Variants in DCLK1 observed in about 807,000 individuals in gnomAD.
DCLK1 encodes the protein serine/threonine-protein kinase DCLK1.
Under a neutral mutation model 86.2 loss-of-function variants are expected in DCLK1, and 16 were observed. The ratio of observed to expected loss-of-function variants is 0.19; its 90% CI spans 0.13 to 0.28. The LOEUF is 0.28. Among genes scored for constraint, DCLK1 ranks in the 10% least tolerant of loss-of-function variants. The pLI is 1.00. For synonymous variants in DCLK1, 369 were observed against 370.5 expected (o/e 1.00, Z 0.05); for missense variants, 590 against 940.2 (o/e 0.63, Z 4.87).
At position 35,770,658 on chromosome 13, in the gene DCLK1, C is replaced by T. The variant is rs1347179142; in HGVS notation, c.*3877G>A. ...ATGTAGCAGTTAAAAAAATTATTGA[C>T]TTACAAATTATAGAAAAGATATGTT... On this transcript the variant is annotated 3_prime_UTR_variant, in exon 17 of 17. Transcript: ENST00000360631. The T allele has an allele frequency of 6.6e-6, 1 of 152,130 alleles. No homozygotes were observed. Among genetic ancestry groups the T allele is most frequent in the Non-Finnish European group, 1.5e-5 (1 of 68,024 alleles). The allele number at this position is 152,130 out of a possible 1,614,324, so 9.4% of individuals were successfully genotyped here.
chr13:35,985,832 T>G (rs1010258052), intron 3 of DCLK1, among the ~76,000 whole-genome samples: 1 of 152,212 alleles, frequency 6.6e-6, no homozygotes, highest in Non-Finnish European at 1.5e-5. Flanking sequence ...AGATTGATGC[T>G]TGTTCCCAAA....
At chr13:35,924,511 G>T (rs1032769631) in intron 4 of DCLK1, among the ~76,000 whole-genome samples, 1 of 152,148 alleles carries the variant, frequency 6.6e-6, no homozygotes, top group Non-Finnish European at 1.5e-5. Context: ...AATTAGCTGG[G>T]CATGGTGGCA....
chr13:35,848,148 A>T, intron 6 of DCLK1: 2 of 985,306 alleles, frequency 2.0e-6, no homozygotes, highest in Non-Finnish European at 2.4e-6. Flanking sequence ...TATCATTAGG[A>T]CAAAACTGCG....
chr13:35,956,689 T>C (rs1878001833), intron 3 of DCLK1, among the ~76,000 whole-genome samples: 1 of 2,006 alleles, frequency 5.0e-4, no homozygotes, highest in Non-Finnish European at 9.5e-4. Flanking sequence ...AGGTAGGGAA[T>C]ATGGATGAGC....
At chr13:36,102,872 A>G (rs1371882313) in intron 3 of DCLK1, among the ~76,000 whole-genome samples, 1 of 152,218 alleles carries the variant, frequency 6.6e-6, no homozygotes, top group South Asian at 2.1e-4. Flanking sequence ...GAAGATAGAC[A>G]AAAGAGGCTC....
chr13:35,820,049 G>A (rs1456337159), intron 11 of DCLK1, among the ~76,000 whole-genome samples: 1 of 152,154 alleles, frequency 6.6e-6, no homozygotes, highest in Non-Finnish European at 1.5e-5. Flanking sequence ...GGGTGTGTGA[G>A]GGTCTACCTT....
chr13:35,945,206 C>T (rs1877307223), intron 4 of DCLK1, among the ~76,000 whole-genome samples: 1 of 152,104 alleles, frequency 6.6e-6, no homozygotes, highest in Admixed American at 6.5e-5. Flanking sequence ...AGCCTGTGGG[C>T]ATTGAGAAAT....
intron 3 of DCLK1, among the ~76,000 whole-genome samples, chr13:36,044,174 C>T (rs1289283652): frequency 2.0e-5 from 3 of 152,192 alleles, no homozygotes; most frequent in Non-Finnish European, 4.4e-5. Context: ...TGAAGGCTCC[C>T]CTTCACCTTC....
At chr13:35,893,637 T>TG (rs1353081510) in intron 4 of DCLK1, among the ~76,000 whole-genome samples, 37 of 152,370 alleles carry the variant, frequency 2.4e-4, no homozygotes, top group African/African-American at 8.2e-4. Context: ...AGAGAGTCAC[T>TG]GCACAGTGTC....
intron 15 of DCLK1, among the ~76,000 whole-genome samples, chr13:35,799,777 T>C (rs991812060): frequency 5.3e-5 from 8 of 152,216 alleles, no homozygotes; most frequent in Non-Finnish European, 7.3e-5. Flanking sequence ...ATTCTGTTTA[T>C]GAACTTATCA....
chr13:35,895,264 A>G (rs1331526373), intron 4 of DCLK1, among the ~76,000 whole-genome samples: 1 of 150,844 alleles, frequency 6.6e-6, no homozygotes, highest in Non-Finnish European at 1.5e-5. Context: ...GTCACTGAAT[A>G]TGTATTTTTC....
intron 6 of DCLK1, among the ~76,000 whole-genome samples, chr13:35,853,188 T>C (rs189560062): frequency 7.9e-5 from 12 of 152,328 alleles, no homozygotes; most frequent in Non-Finnish European, 1.3e-4. Flanking sequence ...AATTAGACTG[T>C]GGCCAAGAAG....
At chr13:36,060,632 CA>C (rs1415446669) in intron 3 of DCLK1, among the ~76,000 whole-genome samples, 1 of 152,042 alleles carries the variant, frequency 6.6e-6, no homozygotes, top group Non-Finnish European at 1.5e-5. Flanking sequence ...ATGCACTCTG[CA>C]AGTGCATACA....
chr13:35,822,594 T>C (rs1421768947), intron 11 of DCLK1, 135 bp downstream of exon 11: 1 of 1,275,514 alleles, frequency 7.8e-7, no homozygotes, highest in Non-Finnish European at 1.1e-6. Context: ...AGTTTCCAAC[T>C]AGCTCCTGAA....
At chr13:35,866,357 T>C (rs1187683882) in intron 5 of DCLK1, among the ~76,000 whole-genome samples, 1 of 152,092 alleles carries the variant, frequency 6.6e-6, no homozygotes, top group African/African-American at 2.4e-5. Flanking sequence ...AATTTCTGTA[T>C]AATATAGGAA....
In DCLK1 at chr13:35,793,479, C is replaced by T; in HGVS notation, c.1945G>A (p.Asp649Asn). The change falls in exon 16 of 17, where the codon GAT (aspartate) becomes AAT (asparagine). Residue 649 changes from aspartate (D) to asparagine (N), a missense_variant and splice_region_variant. By Grantham distance (23) the Asp-to-Asn change is conservative. Transcript: ENST00000360631. Reference sequence around the variant, plus strand: ...TGTTCATTTTCTGGGAGGCCATCATCCTGGAGAAAAAGAAATAAAGAGAAG... The same window carrying T: ...TGTTCATTTTCTGGGAGGCCATCATTCTGGAGAAAAAGAAATAAAGAGAAG... The part of the protein sequence containing the change: ...VQVLEHPWVN[D>N]DGLPENEHQL... The T allele has an allele frequency of 1.3e-6, 2 of 1,587,608 alleles. No individual in the cohort carries two copies. The highest frequency in any genetic ancestry group is 1.7e-6 in the Non-Finnish European group (2 of 1,169,750).
intron 3 of DCLK1, among the ~76,000 whole-genome samples, chr13:35,985,529 G>A (rs899113559): frequency 3.3e-5 from 5 of 152,174 alleles, no homozygotes; most frequent in Non-Finnish European, 7.4e-5. Context: ...GGCAGGCTGC[G>A]GAGTCTGTTT....
intron 1 of DCLK1, among the ~76,000 whole-genome samples, chr13:36,129,463 C>A (rs1886293885): frequency 6.6e-6 from 1 of 152,220 alleles, no homozygotes; most frequent in African/African-American, 2.4e-5. Flanking sequence ...ACAAAAGAAA[C>A]CATACTCAGA....
At chr13:35,976,591 C>G (rs1358056391) in intron 3 of DCLK1, among the ~76,000 whole-genome samples, 1 of 125,502 alleles carries the variant, frequency 8.0e-6, no homozygotes, top group Non-Finnish European at 1.6e-5. Context: ...AGTGCAGTGG[C>G]GGGATCTCGG....
Sources: gnomAD v4.1 joint callset for allele counts (sites outside exome capture counted in the v4.1 genomes callset) on GRCh38, gnomAD v4.1.1 for gene constraint, MANE v1.5 for transcripts, NCBI Gene and HGNC (gene_info 2026-07-23, HGNC 2026-07-21) for gene names.